The following FBN2 variants were observed in gnomAD, a reference collection of about 807,000 sequenced individuals.
FBN2 encodes the protein fibrillin 2, also known as fibrillin-2.
FBN2 carries 105 observed loss-of-function variants against 355.6 expected under a neutral mutation model. The observed-to-expected ratio is 0.30, with a 90% CI of 0.25 to 0.35. FBN2 has a LOEUF of 0.35. Among genes scored for constraint, FBN2 ranks in the 10% least tolerant of loss-of-function variants. The pLI is 1.00. For missense variants in FBN2, 3,280 were observed against 3,758.7 expected, an observed-to-expected ratio of 0.87 and a Z score of 3.33; for synonymous variants, 1,350 against 1,301.2, an observed-to-expected ratio of 1.04 and a Z score of -0.81.
At chr5:128,354,076 T>C (rs1299423347) in intron 20 of FBN2, among the ~76,000 whole-genome samples, 1 of 152,142 alleles carries the variant, frequency 6.6e-6, no homozygotes, top group Non-Finnish European at 1.5e-5. Flanking sequence ...CAGATGTAGA[T>C]AGTCAGGAAT....
intron 7 of FBN2, among the ~76,000 whole-genome samples, chr5:128,435,272 T>C (rs1753744267): frequency 6.6e-6 from 1 of 152,322 alleles, no homozygotes; most frequent in East Asian, 1.9e-4. Flanking sequence ...TCTCATCTCA[T>C]GATAGACTTG....
intron 59 of FBN2, 116 bp downstream of exon 59, chr5:128,275,922 G>T: frequency 8.5e-7 from 1 of 1,171,324 alleles, no homozygotes; most frequent in Non-Finnish European, 1.3e-6. Flanking sequence ...ATGGCCACTA[G>T]GATGGGACCT....
At chr5:128,334,596 A>C in intron 31 of FBN2, 123 bp downstream of exon 31, 1 of 1,033,480 alleles carries the variant, frequency 9.7e-7, no homozygotes. Context: ...CACTCATCAC[A>C]CACACAGTCA....
At chr5:128,384,876 T>C (rs191977569) in intron 11 of FBN2, among the ~76,000 whole-genome samples, 85 of 152,216 alleles carry the variant, frequency 5.6e-4, no homozygotes, top group Middle Eastern at 3.4e-3. Context: ...CTTAGGATCA[T>C]GACCAACTTC....
chr5:128,393,662 A>T (rs1561434639), intron 9 of FBN2, among the ~76,000 whole-genome samples: 1 of 152,400 alleles, frequency 6.6e-6, no homozygotes, highest in Admixed American at 6.5e-5. Flanking sequence ...AATTCCAGAC[A>T]TAATTATAAA....
At chr5:128,285,595 A>G in intron 55 of FBN2, among the ~76,000 whole-genome samples, 1 of 152,068 alleles carries the variant, frequency 6.6e-6, no homozygotes, top group East Asian at 1.9e-4. Flanking sequence ...ACCCTTCCCA[A>G]CACCCACCCC....
At chr5:128,275,728 AC>A (rs1295170777) in intron 59 of FBN2, among the ~76,000 whole-genome samples, 1 of 151,828 alleles carries the variant, frequency 6.6e-6, no homozygotes, top group East Asian at 1.9e-4. Flanking sequence ...TAGATAAGCA[AC>A]AACAACAAAT....
intron 7 of FBN2, among the ~76,000 whole-genome samples, chr5:128,423,763 G>A (rs1388464007): frequency 6.6e-6 from 1 of 152,176 alleles, no homozygotes; most frequent in African/African-American, 2.4e-5. Context: ...GACCAAACTT[G>A]TGATCTAGAA....
chr5:128,286,927 C>T, intron 54 of FBN2, 78 bp from the exon 55 acceptor site: 3 of 1,358,126 alleles, frequency 2.2e-6, no homozygotes, highest in African/African-American at 1.4e-5. Flanking sequence ...GTGTGGTCTT[C>T]TGACACTTAA....
At position 128,361,707 on chromosome 5, in the gene FBN2, T is replaced by A. The variant is rs565277296; in HGVS notation, c.2554+16A>T. On this transcript the variant is annotated intron_variant, in intron 19 of 64. Coordinates refer to ENST00000262464, the MANE Select transcript of FBN2 (RefSeq NM_001999.4). Reference sequence around the variant, plus strand: ...TACTCACTATGCACAAATAAGGCGATGAAGACAGCTCTTACCTTCACAGGT... The same window carrying A: ...TACTCACTATGCACAAATAAGGCGAAGAAGACAGCTCTTACCTTCACAGGT... 1 of 1,614,112 alleles carries A rather than the reference T, an allele frequency of 6.2e-7. No individual in the cohort carries two copies. The highest frequency in any genetic ancestry group is 1.3e-5 in the African/African-American group (1 of 75,066).
rs6149234 is a variant in FBN2 at position 128,434,394 on chromosome 5, G to GTATATA, written c.952+12081_952+12086dup. Among the ~76,000 whole-genome samples the GTATATA allele has an allele frequency of 9.6e-3, 878 of 91,588 alleles. 40 individuals carry two copies. The highest frequency in any genetic ancestry group is 0.045 in the East Asian group (162 of 3,600). 60.1% of individuals were successfully genotyped at this position (91,588 alleles called of 152,430 possible). ...CAATGCCTGGCAGTGAATAAAGTGTGTATATATATATATATATATATATAT... is the reference window on the plus strand; with the variant it reads ...CAATGCCTGGCAGTGAATAAAGTGTGTATATATATATATATATATATATATATATAT... On this transcript the variant is annotated intron_variant, in intron 7 of 64. Coordinates refer to ENST00000262464, the MANE Select transcript of FBN2 (RefSeq NM_001999.4).
intron 6 of FBN2, among the ~76,000 whole-genome samples, chr5:128,451,301 T>C (rs1439413830): frequency 1.3e-5 from 2 of 152,348 alleles, no homozygotes; most frequent in African/African-American, 2.4e-5. Flanking sequence ...ATACATGATG[T>C]AAACAAAAAT....
At chr5:128,306,387 A>G (rs1450544872) in intron 42 of FBN2, among the ~76,000 whole-genome samples, 1 of 152,194 alleles carries the variant, frequency 6.6e-6, no homozygotes, top group Non-Finnish European at 1.5e-5. Flanking sequence ...TGGGAGGCTG[A>G]GGAGGGTGGA....
At chr5:128,379,586 G>T (rs1581252216) in intron 11 of FBN2, among the ~76,000 whole-genome samples, 1 of 152,044 alleles carries the variant, frequency 6.6e-6, no homozygotes, top group African/African-American at 2.4e-5. Flanking sequence ...ACCAAAAAGT[G>T]AGAAAGTCAT....
At chr5:128,397,874 C>T (rs1363836645) in intron 8 of FBN2, among the ~76,000 whole-genome samples, 1 of 152,118 alleles carries the variant, frequency 6.6e-6, no homozygotes, top group Non-Finnish European at 1.5e-5. Context: ...ATTCCACTCT[C>T]CCCCAATACA....
At chr5:128,262,483 T>C (rs1765000390) in intron 63 of FBN2, among the ~76,000 whole-genome samples, 1 of 151,606 alleles carries the variant, frequency 6.6e-6, no homozygotes, top group Admixed American at 6.6e-5. Context: ...CATAATTAAC[T>C]CCAGAAGGTA....
chr5:128,265,724 C>T (rs531043223), intron 62 of FBN2, among the ~76,000 whole-genome samples: 2 of 152,290 alleles, frequency 1.3e-5, no homozygotes, highest in East Asian at 3.9e-4. Context: ...CTCTATCTAC[C>T]AGAACGTTGT....
Position 128,338,924 on chromosome 5 carries a change from G to C in FBN2, c.3472+9C>G, listed in dbSNP as rs372520452. On this transcript the variant is annotated intron_variant, in intron 26 of 64. Coordinates refer to ENST00000262464, the MANE Select transcript of FBN2 (RefSeq NM_001999.4). Reference sequence around the variant, plus strand: ...TTCAAGCTGGCGAGGAAGAGCTCACGGTGCTTACCCATGCAGTTCTTCATC... The same window carrying C: ...TTCAAGCTGGCGAGGAAGAGCTCACCGTGCTTACCCATGCAGTTCTTCATC... 3 of 1,613,564 alleles carry C rather than the reference G, an allele frequency of 1.9e-6. No individual in the cohort carries two copies. The highest frequency in any genetic ancestry group is 1.7e-5 in the Admixed American group (1 of 59,980).
intron 36 of FBN2, among the ~76,000 whole-genome samples, chr5:128,317,383 T>G (rs571714679): frequency 6.6e-5 from 10 of 152,288 alleles, no homozygotes; most frequent in South Asian, 2.1e-4. Flanking sequence ...GGAGTTTGTG[T>G]AAATGATAAT....
Sources: allele counts gnomAD v4.1 joint callset (sites outside exome capture counted in the v4.1 genomes callset), GRCh38; gene constraint gnomAD v4.1.1; transcripts MANE v1.5; gene names NCBI Gene and HGNC (gene_info 2026-07-23, HGNC 2026-07-21).